Variants in EFR3A observed in about 807,000 individuals in gnomAD.
EFR3A encodes the protein EFR3 homolog A.
EFR3A carries 76 observed loss-of-function variants against 104.4 expected under a neutral mutation model. That is an observed-to-expected ratio of 0.73 (90% CI 0.60 to 0.88). The LOEUF is 0.88. Ranked by LOEUF, EFR3A falls within the 40% of genes least tolerant of loss-of-function variation. The pLI is 0.00. For missense variants in EFR3A, 985 were observed against 1,012.5 expected, an observed-to-expected ratio of 0.97 and a Z score of 0.37; for synonymous variants, 330 against 330.0, an observed-to-expected ratio of 1.00 and a Z score of 0.00.
chr8:131,996,859 A>G (rs1186800286), intron 19 of EFR3A, among the ~76,000 whole-genome samples: 1 of 152,086 alleles, frequency 6.6e-6, no homozygotes, highest in Non-Finnish European at 1.5e-5. Context: ...TATTTTTAAA[A>G]ATTTAGGAAA....
rs533163103 is a variant in EFR3A, at chr8:131,949,701, C to T, written c.367-268C>T. 6.6e-5 allele frequency among the ~76,000 whole-genome samples: 10 copies of T among 151,862 alleles called. No individual in the cohort carries two copies. The South Asian group carries it at 8.3e-4, about 13-fold the overall frequency. ...TGGTGGTGCGTGCCTGTAGTCCTGA[C>T]GCCTTGGGAAGCTGAGGCGGGAGGA... On this transcript the variant is annotated intron_variant, in intron 4 of 22. Coordinates refer to ENST00000254624, the MANE Select transcript of EFR3A (RefSeq NM_015137.6).
intron 1 of EFR3A, among the ~76,000 whole-genome samples, chr8:131,934,739 A>G (rs977738697): frequency 2.1e-4 from 32 of 151,866 alleles, no homozygotes; most frequent in African/African-American, 7.7e-4. Flanking sequence ...TTTTTTTCTG[A>G]TAAGTATGAT....
chr8:131,942,813 T>C (rs1429891562), intron 2 of EFR3A, among the ~76,000 whole-genome samples: 1 of 152,018 alleles, frequency 6.6e-6, no homozygotes, highest in Non-Finnish European at 1.5e-5. Context: ...ATTATCCAGG[T>C]GAACTGGAGA....
At chr8:131,923,382 T>C (rs1186846630) in intron 1 of EFR3A, among the ~76,000 whole-genome samples, 1 of 152,116 alleles carries the variant, frequency 6.6e-6, no homozygotes, top group East Asian at 1.9e-4. Flanking sequence ...TATTATCTTT[T>C]CTATTCTCAA....
At chr8:131,954,845 G>A (rs1818897795) in intron 6 of EFR3A, among the ~76,000 whole-genome samples, 1 of 151,804 alleles carries the variant, frequency 6.6e-6, no homozygotes, top group Non-Finnish European at 1.5e-5. Flanking sequence ...TGTAATAGCA[G>A]CATAAAAGTA....
At chr8:131,904,744 C>T (rs926352151) in intron 1 of EFR3A, among the ~76,000 whole-genome samples, 2 of 152,246 alleles carry the variant, frequency 1.3e-5, no homozygotes, top group African/African-American at 4.8e-5. Context: ...GAGTCCCTTC[C>T]CGCGGCCGCC....
At chr8:131,912,158 A>G (rs1451092468) in intron 1 of EFR3A, among the ~76,000 whole-genome samples, 1 of 152,156 alleles carries the variant, frequency 6.6e-6, no homozygotes, top group Non-Finnish European at 1.5e-5. Flanking sequence ...TCTGAGGCCC[A>G]ACAATAGGTT....
chr8:131,933,805 TG>T (rs1817738504), intron 1 of EFR3A, among the ~76,000 whole-genome samples: 1 of 151,806 alleles, frequency 6.6e-6, no homozygotes, highest in Admixed American at 6.6e-5. Flanking sequence ...AAAAAGGTGC[TG>T]TTTTTTTTTT....
intron 7 of EFR3A, among the ~76,000 whole-genome samples, chr8:131,958,182 A>C (rs1819121598): frequency 6.6e-6 from 1 of 152,150 alleles, no homozygotes; most frequent in African/African-American, 2.4e-5. Flanking sequence ...TTAGGAGATA[A>C]ATATTGTATT....
At chr8:131,959,731 A>G in intron 8 of EFR3A, 68 bp downstream of exon 8, 1 of 1,060,830 alleles carries the variant, frequency 9.4e-7, no homozygotes, top group East Asian at 2.5e-5. Context: ...TAAGCACATT[A>G]TCAAACAGAT....
rs528265103 is a variant in EFR3A, at chr8:131,978,745, A to G, written c.1327-102A>G. ...ATGTCTTTTCTCCAGGCTTCTGTCC[A>G]TATTTTCTTTCCTAAGTTTATGGTT... On this transcript the variant is annotated intron_variant, in intron 12 of 22. Coordinates refer to ENST00000254624, the MANE Select transcript of EFR3A (RefSeq NM_015137.6). 23 of 925,906 alleles carry G rather than the reference A, an allele frequency of 2.5e-5. No homozygotes were observed. In the Admixed American group the frequency reaches 7.5e-4, roughly 30 times the overall value. The allele number at this position is 925,906 out of a possible 1,614,324, so 57.4% of individuals were successfully genotyped here.
chr8:131,930,876 A>G (rs1817564949), intron 1 of EFR3A, among the ~76,000 whole-genome samples: 1 of 152,168 alleles, frequency 6.6e-6, no homozygotes, highest in Non-Finnish European at 1.5e-5. Context: ...TTATTGTAAT[A>G]TATAAGATGA....
At chr8:131,925,942 A>G (rs1817275192) in intron 1 of EFR3A, among the ~76,000 whole-genome samples, 1 of 152,104 alleles carries the variant, frequency 6.6e-6, no homozygotes, top group Non-Finnish European at 1.5e-5. Context: ...TGGCTAGATT[A>G]TTTTATTTTA....
rs1219092064 is a variant in EFR3A, at chr8:132,002,702, C to A, written c.2306C>A (p.Ser769Tyr). 6.2e-7 allele frequency: 1 copy of A among 1,612,792 alleles called. No homozygotes were observed. The highest frequency in any genetic ancestry group is 1.7e-5 in the Admixed American group (1 of 59,988). Residue 769 changes from serine to tyrosine, a missense_variant, in exon 21 of 23, where the codon TCC (serine) becomes TAC (tyrosine). Transcript: ENST00000254624. ...PFEEIAAQCE[S>Y]KANLLHDRLA... ...GAAGAAATAGCAGCACAGTGTGAAT[C>A]CAAAGTAAGTGAAGAAACGGTGAAG...
chr8:131,984,454 A>G lies in EFR3A; in HGVS notation c.1737+154A>G, dbSNP rs182529570. 9.7e-4 allele frequency among the ~76,000 whole-genome samples: 148 copies of G among 152,306 alleles called. 1 individual carries two copies. The East Asian group carries it at 0.022, about 22-fold the overall frequency. On this transcript the variant is annotated intron_variant, in intron 15 of 22. Transcript: ENST00000254624. ...AAGACTATGACTACATTCTTCATTTATTCCTTTTACATATGTTGCATGAGC... is the reference window on the plus strand; with the variant it reads ...AAGACTATGACTACATTCTTCATTTGTTCCTTTTACATATGTTGCATGAGC...
At chr8:131,964,343 C>G (rs1442520454) in intron 8 of EFR3A, among the ~76,000 whole-genome samples, 1 of 152,154 alleles carries the variant, frequency 6.6e-6, no homozygotes, top group African/African-American at 2.4e-5. Flanking sequence ...AGCCCAAAAT[C>G]TCCTTAAGCT....
Position 132,003,154 on chromosome 8 carries a change from T to C in EFR3A, c.2311-82T>C, listed in dbSNP as rs566625104. 3.6e-6 allele frequency: 4 copies of C among 1,125,450 alleles called. No homozygotes were observed. In the East Asian group the frequency reaches 7.7e-5, roughly 22 times the overall value. 69.7% of individuals were successfully genotyped at this position (1,125,450 alleles called of 1,614,324 possible). A position where few individuals can be genotyped will look rare whatever the true frequency, so the allele number is the denominator to read the frequency against. ...TCAGCTTAATAGTCACAATTATACT[T>C]TGTCTCTTAAGTTACATTGATATTA... On this transcript the variant is annotated intron_variant, in intron 21 of 22. Coordinates refer to ENST00000254624, the MANE Select transcript of EFR3A (RefSeq NM_015137.6).
At chr8:131,962,706 G>C (rs536635231) in intron 8 of EFR3A, among the ~76,000 whole-genome samples, 15 of 152,274 alleles carry the variant, frequency 9.9e-5, no homozygotes, top group African/African-American at 3.4e-4. Context: ...ACTCAGCTCT[G>C]CACCAAGTGG....
chr8:132,011,584 T>C lies in EFR3A; in HGVS notation c.*689T>C. 1 of 279,680 alleles carries C rather than the reference T, an allele frequency of 3.6e-6. No homozygotes were observed. Among genetic ancestry groups the C allele is most frequent in the Non-Finnish European group, 5.4e-6 (1 of 184,314 alleles). 17.3% of individuals were successfully genotyped at this position (279,680 alleles called of 1,614,324 possible). ...GAGTTTGACCATTCTGCTTGAGAAG[T>C]GTAGAGCTTACTCTTGGAGTACCAA... On this transcript the variant is annotated 3_prime_UTR_variant, in exon 23 of 23. Transcript: ENST00000254624.
Sources: allele counts gnomAD v4.1 joint callset (sites outside exome capture counted in the v4.1 genomes callset), GRCh38; gene constraint gnomAD v4.1.1; transcripts MANE v1.5; gene names NCBI Gene and HGNC (gene_info 2026-07-23, HGNC 2026-07-21).